Variants in DEPTOR observed in about 807,000 individuals in gnomAD.
DEPTOR encodes the protein DEP domain-containing mTOR-interacting protein.
Under a neutral mutation model 41.6 loss-of-function variants are expected in DEPTOR, and 41 were observed. The observed-to-expected ratio is 0.98, with a 90% CI of 0.77 to 1.28. The LOEUF is 1.28. Ranked by LOEUF, DEPTOR falls within the 50% of genes most tolerant of loss-of-function variation. The pLI, the probability that DEPTOR is intolerant of heterozygous loss-of-function variation, is 0.00. For synonymous variants in DEPTOR, 195 were observed against 192.3 expected, an observed-to-expected ratio of 1.01 and a Z score of -0.12; for missense variants, 514 against 527.9, an observed-to-expected ratio of 0.97 and a Z score of 0.26.
At chr8:119,998,612 T>G (rs781212415) in intron 4 of DEPTOR, among the ~76,000 whole-genome samples, 1 of 152,152 alleles carries the variant, frequency 6.6e-6, no homozygotes, top group Non-Finnish European at 1.5e-5. Context: ...TGGGGCCTGA[T>G]GTACAACCTG....
At chr8:119,951,545 C>G (rs1413876538) in intron 3 of DEPTOR, among the ~76,000 whole-genome samples, 1 of 152,176 alleles carries the variant, frequency 6.6e-6, no homozygotes, top group Non-Finnish European at 1.5e-5. Context: ...TCCAGAATAT[C>G]AGTCTCTTCA....
rs144199439 is a variant in DEPTOR, at chr8:120,001,476, G to A, written c.605-49G>A. ...AGTCCTTTGGCTGTAGCGCTCAGTG[G>A]CCAGGATGCCAGATAGTCCTCATTG... On this transcript the variant is annotated intron_variant, in intron 4 of 8. Transcript: ENST00000286234. 9.8e-5 allele frequency: 149 copies of A among 1,521,334 alleles called. No homozygotes were observed. The African/African-American group carries it at 1.8e-3, about 18-fold the overall frequency. The allele number at this position is 1,521,334 out of a possible 1,614,324, so 94.2% of individuals were successfully genotyped here.
At position 119,922,373 on chromosome 8, in the gene DEPTOR, C is replaced by T. The variant is rs112053058; in HGVS notation, c.123-6027C>T. Among the ~76,000 whole-genome samples the T allele has an allele frequency of 2.5e-3, 382 of 152,168 alleles. 1 individual carries two copies. Among genetic ancestry groups the T allele is most frequent in the African/African-American group, 8.5e-3 (354 of 41,526 alleles). ...TAACAAATTACATAGTAGCTTGTTC[C>T]ACATTTTAATTTCTAAGTAAATTGG... On this transcript the variant is annotated intron_variant, in intron 1 of 8. Coordinates refer to ENST00000286234, the MANE Select transcript of DEPTOR (RefSeq NM_022783.4).
chr8:119,892,364 C>T (rs542646840), intron 1 of DEPTOR, among the ~76,000 whole-genome samples: 3 of 152,278 alleles, frequency 2.0e-5, no homozygotes, highest in Non-Finnish European at 4.4e-5. Context: ...TAAGCTTATA[C>T]CTCAGTATAT....
chr8:120,008,927 C>G, intron 7 of DEPTOR, 102 bp from the exon 8 acceptor site: 1 of 1,018,268 alleles, frequency 9.8e-7, no homozygotes, highest in Non-Finnish European at 1.5e-6. Context: ...GAAAATATGT[C>G]ACAGTGTATA....
Position 120,003,069 on chromosome 8 carries a change from A to G in DEPTOR, c.883A>G (p.Thr295Ala). 6.2e-7 allele frequency: 1 copy of G among 1,612,914 alleles called. No individual in the cohort carries two copies. The highest frequency in any genetic ancestry group is 8.5e-7 in the Non-Finnish European group (1 of 1,179,822). The change falls in exon 6 of 9, where the codon ACC (threonine) becomes GCC (alanine). Residue 295 changes from threonine to alanine, a missense_variant. Coordinates refer to ENST00000286234, the MANE Select transcript of DEPTOR (RefSeq NM_022783.4). ...GSSGYFSSSP[T>A]LSSSPPVLCN... ...CAGCGGCTACTTCAGCAGCAGCCCC[A>G]CCCTCAGCAGCAGCCCCCCTGTGCT...
chr8:119,896,968 ATAAT>A (rs1463232637), intron 1 of DEPTOR, among the ~76,000 whole-genome samples: 2 of 152,226 alleles, frequency 1.3e-5, no homozygotes, highest in Non-Finnish European at 1.5e-5. Context: ...GGTTGCATGA[ATAAT>A]TATTTACTTA....
chr8:119,878,333 T>C (rs1827254386), intron 1 of DEPTOR, among the ~76,000 whole-genome samples: 1 of 151,112 alleles, frequency 6.6e-6, no homozygotes, highest in South Asian at 2.1e-4. Flanking sequence ...TTTTTTTTTT[T>C]TTTTAAGACA....
At chr8:119,906,441 A>T (rs1451833620) in intron 1 of DEPTOR, among the ~76,000 whole-genome samples, 2 of 152,092 alleles carry the variant, frequency 1.3e-5, no homozygotes, top group African/African-American at 4.8e-5. Flanking sequence ...GAGTGACAGA[A>T]TGAGACCCTG....
chr8:119,900,527 C>T (rs1827577044), intron 1 of DEPTOR, among the ~76,000 whole-genome samples: 1 of 151,298 alleles, frequency 6.6e-6, no homozygotes, highest in African/African-American at 2.4e-5. Context: ...GCTAGGACTA[C>T]AGGCATGTGC....
chr8:119,936,226 G>A (rs1315886184), intron 3 of DEPTOR, among the ~76,000 whole-genome samples: 1 of 152,092 alleles, frequency 6.6e-6, no homozygotes, highest in African/African-American at 2.4e-5. Context: ...TACATCCAAA[G>A]AGGCAAAGCC....
chr8:119,891,642 C>T (rs573636908), intron 1 of DEPTOR, among the ~76,000 whole-genome samples: 1 of 152,176 alleles, frequency 6.6e-6, no homozygotes, highest in Admixed American at 6.5e-5. Flanking sequence ...GCCTGTCCCC[C>T]CCAGCAAAGA....
At chr8:119,994,118 C>T (rs894353369) in intron 4 of DEPTOR, among the ~76,000 whole-genome samples, 3 of 147,276 alleles carry the variant, frequency 2.0e-5, no homozygotes, top group Non-Finnish European at 3.0e-5. Context: ...GCCTGGGCAA[C>T]GGAGCAAAAA....
intron 3 of DEPTOR, among the ~76,000 whole-genome samples, chr8:119,954,845 G>GGGGTGTGTGTGT (rs1554676027): frequency 6.8e-6 from 1 of 147,948 alleles, no homozygotes; most frequent in African/African-American, 2.5e-5. Flanking sequence ...GGCAAATATT[G>GGGGTGTGTGTGT]GTGTGTGTGT....
chr8:119,908,071 C>T (rs1384947187), intron 1 of DEPTOR, among the ~76,000 whole-genome samples: 1 of 152,108 alleles, frequency 6.6e-6, no homozygotes, highest in East Asian at 1.9e-4. Flanking sequence ...TTCAACCCCA[C>T]CCACCAACCA....
At chr8:119,936,750 G>T (rs995134464) in intron 3 of DEPTOR, among the ~76,000 whole-genome samples, 4 of 152,170 alleles carry the variant, frequency 2.6e-5, no homozygotes, top group Non-Finnish European at 5.9e-5. Context: ...AAGGCCAAGC[G>T]TAGTGGCCCA....
At chr8:119,909,776 G>T (rs59151115) in intron 1 of DEPTOR, among the ~76,000 whole-genome samples, 33,690 of 152,202 alleles carry the variant, frequency 0.22, 4,296 homozygotes, top group African/African-American at 0.34. Flanking sequence ...ACAGACAAGG[G>T]TTAATCATCT....
chr8:120,011,869 T>C (rs1345745012), intron 8 of DEPTOR, among the ~76,000 whole-genome samples: 1 of 152,228 alleles, frequency 6.6e-6, no homozygotes, highest in Non-Finnish European at 1.5e-5. Context: ...ACACAGTGGT[T>C]TTCTTATGTT....
intron 4 of DEPTOR, among the ~76,000 whole-genome samples, chr8:119,987,512 G>A (rs1338734590): frequency 3.3e-5 from 5 of 152,180 alleles, no homozygotes; most frequent in Non-Finnish European, 7.4e-5. Context: ...TGGGATTCAG[G>A]GACCCACTTG....
Sources: gnomAD v4.1 joint callset for allele counts (sites outside exome capture counted in the v4.1 genomes callset) on GRCh38, gnomAD v4.1.1 for gene constraint, MANE v1.5 for transcripts, NCBI Gene and HGNC (gene_info 2026-07-23, HGNC 2026-07-21) for gene names.